Variants in CD47 observed in about 807,000 individuals in gnomAD.
The protein encoded by CD47 is leukocyte surface antigen CD47.
A neutral mutation model predicts 44.6 loss-of-function variants in CD47; 11 were observed. The ratio of observed to expected loss-of-function variants is 0.25; its 90% CI spans 0.16 to 0.41. The LOEUF is 0.41. Among genes scored for constraint, CD47 ranks in the 10% least tolerant of loss-of-function variants. The probability of loss-of-function intolerance (pLI) is 1.00; values close to 1 mark genes in which losing one functional copy is unlikely to be tolerated. For synonymous variants in CD47, 140 were observed against 136.3 expected, an observed-to-expected ratio of 1.03 and a Z score of -0.19; for missense variants, 306 against 386.7, an observed-to-expected ratio of 0.79 and a Z score of 1.75.
Position 108,049,123 on chromosome 3 carries a change from TCTCTCTCTCTCTC to T in CD47, c.967+483_967+495del, listed in dbSNP as rs1404481731. Among the ~76,000 whole-genome samples the T allele has an allele frequency of 7.1e-5, 10 of 141,560 alleles. 1 individual carries two copies. The highest frequency in any genetic ancestry group is 2.8e-4 in the African/African-American group (10 of 35,820). 92.9% of individuals were successfully genotyped at this position (141,560 alleles called of 152,430 possible). Reference sequence around the variant, plus strand: ...CTCTCTCTCTCTCTCTCTCTCTCTCTCTCTCTCTCTCTCTCTCTCTCAACCTCTCTCTTTAATC... The same window carrying T: ...CTCTCTCTCTCTCTCTCTCTCTCTCTTCTCTCTCAACCTCTCTCTTTAATC... On this transcript the variant is annotated intron_variant, in intron 10 of 10. Transcript: ENST00000361309.
intron 9 of CD47, among the ~76,000 whole-genome samples, chr3:108,050,274 T>C (rs1383539687): frequency 1.3e-5 from 2 of 152,064 alleles, no homozygotes; most frequent in African/African-American, 2.4e-5. Context: ...CACACCACCA[T>C]GCCCAGGTAA....
intron 8 of CD47, 148 bp downstream of exon 8, chr3:108,051,791 C>T: frequency 1.4e-6 from 1 of 714,734 alleles, no homozygotes; most frequent in Non-Finnish European, 2.7e-6. Flanking sequence ...TAGAACTGGA[C>T]CCATTCATGC....
Position 108,090,929 on chromosome 3 carries a change from CGCCGCCGCCGCCGCAGGTGTCCGGAGCA to C in CD47, c.-49_-22del. 7.0e-7 allele frequency: 1 copy of C among 1,423,668 alleles called. No individual in the cohort carries two copies. 88.2% of individuals were successfully genotyped at this position (1,423,668 alleles called of 1,614,324 possible). On this transcript the variant is annotated 5_prime_UTR_variant, in exon 1 of 11. Coordinates refer to ENST00000361309, the MANE Select transcript of CD47 (RefSeq NM_001777.4). ...CACATCTCCGCGCCCGCCGCGGGGT[CGCCGCCGCCGCCGCAGGTGTCCGGAGCA>C]GCAGCCGCCGCCGCCGTTACAGGCA...
chr3:108,058,059 A>G (rs2078943824), intron 6 of CD47, among the ~76,000 whole-genome samples: 1 of 152,202 alleles, frequency 6.6e-6, no homozygotes. Flanking sequence ...TGGTACAGCT[A>G]TTTTGATACA....
At chr3:108,069,913 A>G (rs577020545) in intron 3 of CD47, among the ~76,000 whole-genome samples, 1 of 152,332 alleles carries the variant, frequency 6.6e-6, no homozygotes, top group South Asian at 2.1e-4. Flanking sequence ...AGAGATTATA[A>G]GAAAATTTCC....
At chr3:108,082,611 T>TA (rs59681988) in intron 1 of CD47, among the ~76,000 whole-genome samples, 1 of 151,676 alleles carries the variant, frequency 6.6e-6, no homozygotes, top group Non-Finnish European at 1.5e-5. Context: ...AGATTATTCT[T>TA]AAAAAAAAGA....
At chr3:108,076,087 C>A (rs919587095) in intron 2 of CD47, among the ~76,000 whole-genome samples, 1 of 152,212 alleles carries the variant, frequency 6.6e-6, no homozygotes, top group Non-Finnish European at 1.5e-5. Context: ...ATGCCCTGGG[C>A]AACACCTTGA....
chr3:108,077,568 C>T (rs1195099924), intron 2 of CD47, among the ~76,000 whole-genome samples: 1 of 152,274 alleles, frequency 6.6e-6, no homozygotes, highest in East Asian at 1.9e-4. Flanking sequence ...GAAATGAAAA[C>T]TGTGTCTACA....
At chr3:108,079,445 G>T (rs1420312237) in intron 2 of CD47, among the ~76,000 whole-genome samples, 1 of 151,504 alleles carries the variant, frequency 6.6e-6, no homozygotes, top group Non-Finnish European at 1.5e-5. Flanking sequence ...CCAAAGTAAG[G>T]CTAAGCACAG....
At position 108,050,563 on chromosome 3, in the gene CD47, G is replaced by T; in HGVS notation, c.934+15C>A. The T allele has an allele frequency of 8.4e-7, 1 of 1,187,376 alleles. No homozygotes were observed. The highest frequency in any genetic ancestry group is 1.2e-6 in the Non-Finnish European group (1 of 820,056). 73.6% of individuals were successfully genotyped at this position (1,187,376 alleles called of 1,614,324 possible). The stretch of plus-strand genomic sequence containing the variant: ...TATGATCTGGTAAAGGATTAAGAGT[G>T]AAATAACCACATACCATTAAGGGGT... On this transcript the variant is annotated intron_variant, in intron 9 of 10. Transcript: ENST00000361309.
intron 2 of CD47, among the ~76,000 whole-genome samples, chr3:108,073,958 T>C (rs1273928209): frequency 2.0e-5 from 3 of 152,194 alleles, no homozygotes. Flanking sequence ...CCATGAGCAA[T>C]GGCTAAAAGA....
chr3:108,052,965 C>T (rs1168417986), intron 7 of CD47: 3 of 152,766 alleles, frequency 2.0e-5, no homozygotes, highest in Non-Finnish European at 4.4e-5. Context: ...GAGACTCCAT[C>T]TCAAAAAATA....
At chr3:108,090,614 G>A (rs971114160) in intron 1 of CD47, among the ~76,000 whole-genome samples, 15 of 143,354 alleles carry the variant, frequency 1.0e-4, no homozygotes, top group African/African-American at 3.9e-4. Flanking sequence ...TGGAGAACCG[G>A]GTGGAGGAGA....
intron 7 of CD47, among the ~76,000 whole-genome samples, chr3:108,056,802 T>C (rs1207088867): frequency 6.6e-6 from 1 of 152,122 alleles, no homozygotes; most frequent in Non-Finnish European, 1.5e-5. Flanking sequence ...TACTTGAAAA[T>C]TGGCAGATTA....
rs992032072 is a variant in CD47, at chr3:108,046,760, G to A, written c.*528C>T. 4 of 152,180 alleles carry A rather than the reference G, an allele frequency of 2.6e-5. No individual in the cohort carries two copies. Among genetic ancestry groups the A allele is most frequent in the African/African-American group, 7.2e-5 (3 of 41,384 alleles). 9.4% of individuals were successfully genotyped at this position (152,180 alleles called of 1,614,324 possible). A position where few individuals can be genotyped will look rare whatever the true frequency, so the allele number is the denominator to read the frequency against. ...GATGCTCCCAACCAAATTCCTGCCTGTACTTAATTTATTATTCCATTGACC... is the reference window on the plus strand; with the variant it reads ...GATGCTCCCAACCAAATTCCTGCCTATACTTAATTTATTATTCCATTGACC... On this transcript the variant is annotated 3_prime_UTR_variant, in exon 11 of 11. Transcript: ENST00000361309.
chr3:108,062,237 T>A (rs186462586), intron 3 of CD47, among the ~76,000 whole-genome samples: 5 of 152,332 alleles, frequency 3.3e-5, no homozygotes, highest in East Asian at 3.9e-4. Context: ...CTTATGTGTC[T>A]AATACTCAGT....
chr3:108,058,042 T>A (rs1003348828), intron 6 of CD47, among the ~76,000 whole-genome samples: 5 of 152,172 alleles, frequency 3.3e-5, no homozygotes, highest in Admixed American at 6.5e-5. Flanking sequence ...GTGGTGATAA[T>A]ACAAAATGGT....
At chr3:108,057,433 T>C (rs750906126) in intron 7 of CD47, 44 bp downstream of exon 7, 1 of 891,968 alleles carries the variant, frequency 1.1e-6, no homozygotes, top group South Asian at 1.4e-5. Context: ...AAGTGATATA[T>C]CTGAAATTAT....
At chr3:108,078,299 GCAAA>G (rs1295437409) in intron 2 of CD47, among the ~76,000 whole-genome samples, 2 of 151,876 alleles carry the variant, frequency 1.3e-5, no homozygotes, top group African/African-American at 4.8e-5. Flanking sequence ...AGGGTATTTT[GCAAA>G]CAAAGATAAA....
Sources: gnomAD v4.1 joint callset for allele counts (sites outside exome capture counted in the v4.1 genomes callset) on GRCh38, gnomAD v4.1.1 for gene constraint, MANE v1.5 for transcripts, NCBI Gene and HGNC (gene_info 2026-07-23, HGNC 2026-07-21) for gene names.